MYO10: variants seen among roughly 807,000 people sequenced by gnomAD.
MYO10 encodes unconventional myosin-X.
MYO10 carries 133 observed loss-of-function variants against 257.3 expected under a neutral mutation model. The observed-to-expected ratio is 0.52, with a 90% CI of 0.45 to 0.60. The LOEUF is 0.60. MYO10 is among the 20% of genes least tolerant of loss of function. MYO10 has a pLI of 0.00. For missense variants in MYO10, 2,399 were observed against 2,635.7 expected (o/e 0.91, Z 1.97); for synonymous variants, 1,104 against 1,028.6 (o/e 1.07, Z -1.40).
chr5:16,672,932 G>A lies in MYO10; in HGVS notation c.5173-107C>T, dbSNP rs114429647. On this transcript the variant is annotated intron_variant, in intron 36 of 40. Coordinates refer to ENST00000513610, the MANE Select transcript of MYO10 (RefSeq NM_012334.3). Reference sequence around the variant, plus strand: ...CAGAGGGAGCTGCTGGCACAAGGGCGTCTCCAGCCTCCTAAAAATGTTACC... The same window carrying A: ...CAGAGGGAGCTGCTGGCACAAGGGCATCTCCAGCCTCCTAAAAATGTTACC... The A allele has an allele frequency of 4.2e-3, 5,368 of 1,282,910 alleles. 170 individuals are homozygous for A. In the African/African-American group the frequency reaches 0.073, roughly 17 times the overall value. The allele number at this position is 1,282,910 out of a possible 1,614,324, so 79.5% of individuals were successfully genotyped here. A position where few individuals can be genotyped will look rare whatever the true frequency, so the allele number is the denominator to read the frequency against.
Position 16,701,051 on chromosome 5 carries a change from C to A in MYO10, c.3344G>T (p.Ser1115Ile). The A allele has an allele frequency of 6.4e-7, 1 of 1,566,664 alleles. No individual in the cohort carries two copies. Among genetic ancestry groups the A allele is most frequent in the Non-Finnish European group, 8.6e-7 (1 of 1,156,242 alleles). ...GCAGCGGTAGTCGGGGGACCACTGG[C>A]TGCCGTAGGAGTTGGAGAAGGTCAC... Reference protein sequence around the residue: ...SSVTFSNSYGSQWSPDYRCSV... With the variant: ...SSVTFSNSYGIQWSPDYRCSV... The change falls in exon 25 of 41, where the codon AGC (serine) becomes ATC (isoleucine). Residue 1115 changes from serine (S) to isoleucine (I), a missense_variant. This residue lies in a region of MYO10 where 1,820 missense variants were observed against 1,939.4 expected (regional missense o/e 0.94). Coordinates refer to ENST00000513610, the MANE Select transcript of MYO10 (RefSeq NM_012334.3). The surrounding 1 kb of genome is among the most constrained non-coding windows in gnomAD (Gnocchi z 8.1).
chr5:16,709,883 C>T (rs767458800), intron 21 of MYO10, among the ~76,000 whole-genome samples: 2 of 138,416 alleles, frequency 1.4e-5, no homozygotes, highest in African/African-American at 2.8e-5. Flanking sequence ...AAAAATTTCC[C>T]TAGAGCAGGG....
At chr5:16,915,971 A>C in intron 1 of MYO10, 1 of 445,168 alleles carries the variant, frequency 2.2e-6, no homozygotes, top group Admixed American at 2.5e-5. Flanking sequence ...AGAAAAAAAA[A>C]AAAAAAATCA....
In MYO10 at chr5:16,703,083, TCTC is replaced by T. The variant is rs1561195306; in HGVS notation, c.2349_2351del (p.Arg784del). 6.3e-7 allele frequency: 1 copy of T among 1,576,062 alleles called. No individual in the cohort carries two copies. On this transcript the variant is annotated inframe_deletion, in exon 23 of 41. Coordinates refer to ENST00000513610, the MANE Select transcript of MYO10 (RefSeq NM_012334.3). ...TGGCTGCCTTTTTCAGGTGCAAAAA[TCTC>T]CTCCTCAGAAGGAATGCTCTGTAAT... is the stretch of plus-strand genomic sequence containing the variant.
chr5:16,710,775 G>A, intron 21 of MYO10, 133 bp downstream of exon 21: 1 of 723,498 alleles, frequency 1.4e-6, no homozygotes. Context: ...GTTATGGTAG[G>A]CATGGCAACA....
chr5:16,825,258 G>A (rs1336100176), intron 2 of MYO10, among the ~76,000 whole-genome samples: 1 of 152,190 alleles, frequency 6.6e-6, no homozygotes, highest in African/African-American at 2.4e-5. Context: ...TTGCCCAGAG[G>A]CACCCCTGCC....
rs1000072892 is a variant in MYO10 at position 16,702,581 on chromosome 5, C to T, written c.2518G>A (p.Glu840Lys). The change falls in exon 24 of 41, where the codon GAG becomes AAG. Residue 840 changes from glutamate to lysine, a missense_variant. Physicochemically the swap from Glu to Lys is moderately conservative, Grantham distance 56 (BLOSUM62 1). Transcript: ENST00000513610. ...AGCTCGGCTTCTCTTCGCTCTCTCT[C>T]TCTTTCTCTAAAAATAGTAAAGGAA... ...KKREEEERER[E>K]RERREAELRA... is the part of the protein sequence containing the mutation. 1.1e-5 allele frequency: 18 copies of T among 1,583,196 alleles called. No homozygotes were observed. Among genetic ancestry groups the T allele is most frequent in the Middle Eastern group, 1.7e-4 (1 of 6,020 alleles).
intron 1 of MYO10, among the ~76,000 whole-genome samples, chr5:16,894,012 AT>A (rs1348999783): frequency 1.3e-5 from 2 of 151,610 alleles, no homozygotes; most frequent in Non-Finnish European, 2.9e-5. Flanking sequence ...TAAACTTTTC[AT>A]TTTAGAATAG....
Position 16,688,228 on chromosome 5 carries a change from T to C in MYO10, c.3896+1596A>G, listed in dbSNP as rs144154037. Among the ~76,000 whole-genome samples the C allele has an allele frequency of 1.6e-4, 24 of 152,286 alleles. No individual in the cohort carries two copies. The East Asian group carries it at 4.4e-3, about 28-fold the overall frequency. ...GTTTGCTTGTTTTTCCAGTTTGTGT[T>C]AGAATTTATGGGTCTAAGCAGGTGT... On this transcript the variant is annotated intron_variant, in intron 28 of 40. Transcript: ENST00000513610.
intron 9 of MYO10, among the ~76,000 whole-genome samples, chr5:16,775,228 G>A (rs1279528502): frequency 6.6e-6 from 1 of 152,126 alleles, no homozygotes; most frequent in Non-Finnish European, 1.5e-5. Flanking sequence ...ATTTAGCATA[G>A]GTTCATTGCC....
At chr5:16,785,790 A>T (rs1741561329) in intron 4 of MYO10, among the ~76,000 whole-genome samples, 1 of 152,202 alleles carries the variant, frequency 6.6e-6, no homozygotes, top group African/African-American at 2.4e-5. Flanking sequence ...GAATCACTTG[A>T]ACCTGGGAGG....
At chr5:16,777,064 A>G (rs1741234624) in intron 9 of MYO10, among the ~76,000 whole-genome samples, 1 of 152,230 alleles carries the variant, frequency 6.6e-6, no homozygotes. Context: ...GCAGACAGTA[A>G]TAAATGAACC....
chr5:16,736,839 C>T (rs188001657), intron 19 of MYO10, among the ~76,000 whole-genome samples: 73 of 152,234 alleles, frequency 4.8e-4, no homozygotes, highest in African/African-American at 1.6e-3. Flanking sequence ...CATAATCCAG[C>T]GGGATTTGTT....
At chr5:16,765,685 C>T (rs986169476) in intron 11 of MYO10, among the ~76,000 whole-genome samples, 1 of 152,090 alleles carries the variant, frequency 6.6e-6, no homozygotes, top group Non-Finnish European at 1.5e-5. Context: ...AAATGCTCAG[C>T]ATATATTTGT....
intron 2 of MYO10, among the ~76,000 whole-genome samples, chr5:16,821,011 T>C (rs949619283): frequency 6.8e-5 from 10 of 147,612 alleles, no homozygotes; most frequent in Non-Finnish European, 1.2e-4. Context: ...TTAAGATACC[T>C]TATATCCTAA....
intron 1 of MYO10, among the ~76,000 whole-genome samples, chr5:16,900,710 G>A (rs1745352330): frequency 6.8e-6 from 1 of 147,066 alleles, no homozygotes. Flanking sequence ...CAACCAGCAT[G>A]ATCCTCCCAA....
At chr5:16,673,949 A>C in intron 35 of MYO10, 60 bp from the exon 36 acceptor site, 1 of 1,507,900 alleles carries the variant, frequency 6.6e-7, no homozygotes, top group Non-Finnish European at 9.2e-7. Context: ...GCTGGGAGGA[A>C]CTAGGCTGTG....
At chr5:16,915,196 G>A (rs552900728) in intron 1 of MYO10, among the ~76,000 whole-genome samples, 85 of 152,226 alleles carry the variant, frequency 5.6e-4, no homozygotes, top group African/African-American at 2.0e-3. Context: ...GGTATATAGT[G>A]CAAGACAAAA....
chr5:16,759,200 G>A (rs1451316139), intron 17 of MYO10, among the ~76,000 whole-genome samples: 1 of 152,152 alleles, frequency 6.6e-6, no homozygotes, highest in Non-Finnish European at 1.5e-5. Context: ...TAGGATTATA[G>A]GCGTGAGCCA....
Sources: gnomAD v4.1 joint callset for allele counts (sites outside exome capture counted in the v4.1 genomes callset) on GRCh38, gnomAD v4.1.1 for gene constraint, gnomAD v4.1.1 regional missense constraint, Gnocchi (gnomAD v3.1) non-coding constraint, MANE v1.5 for transcripts, NCBI Gene and HGNC (gene_info 2026-07-23, HGNC 2026-07-21) for gene names.